BORA: variants seen among roughly 807,000 people sequenced by gnomAD.
The protein encoded by BORA is BORA aurora kinase A activator.
Under a neutral mutation model 55.8 loss-of-function variants are expected in BORA, and 26 were observed. That is an observed-to-expected ratio of 0.47 (90% CI 0.34 to 0.65). BORA has a LOEUF of 0.65. Ranked by LOEUF, BORA falls within the 30% of genes least tolerant of loss-of-function variation. The probability of loss-of-function intolerance (pLI) is 0.01; values close to 1 mark genes in which losing one functional copy is unlikely to be tolerated. For missense variants in BORA, 568 were observed against 671.5 expected (o/e 0.85, Z 1.70); for synonymous variants, 201 against 216.9 (o/e 0.93, Z 0.64).
intron 4 of BORA, among the ~76,000 whole-genome samples, chr13:72,735,466 A>G (rs1278485305): frequency 1.3e-5 from 2 of 152,190 alleles, no homozygotes; most frequent in Non-Finnish European, 2.9e-5. Context: ...TTTTTAAGAT[A>G]TTCATGAAAT....
Position 72,731,291 on chromosome 13 carries a change from A to C in BORA, c.164A>C (p.Lys55Thr). 1 of 1,607,320 alleles carries C rather than the reference A, an allele frequency of 6.2e-7. No homozygotes were observed. The highest frequency in any genetic ancestry group is 8.5e-7 in the Non-Finnish European group (1 of 1,175,866). Residue 55 changes from lysine to threonine, a missense_variant, in exon 3 of 12, where the codon AAA (lysine) becomes ACA (threonine). Lys to Thr is a moderately conservative substitution (Grantham distance 78). Coordinates refer to ENST00000390667, the MANE Select transcript of BORA (RefSeq NM_024808.5). Reference protein sequence around the residue: ...FKSTKLPTPGKFRWSIDQLAV... With the variant: ...FKSTKLPTPGTFRWSIDQLAV... ...CTTTCTTTTGTTAAGACTCCAGGGAAATTTAGATGGTCTATTGATCAACTA... is the reference window on the plus strand; with the variant it reads ...CTTTCTTTTGTTAAGACTCCAGGGACATTTAGATGGTCTATTGATCAACTA...
intron 5 of BORA, among the ~76,000 whole-genome samples, 192 bp from the exon 6 acceptor site, chr13:72,743,345 A>C (rs1055706418): frequency 1.3e-5 from 2 of 152,170 alleles, no homozygotes; most frequent in African/African-American, 4.8e-5. Context: ...GTAATCCTTT[A>C]GTTTTATCCT....
chr13:72,729,819 A>T (rs774942864), intron 2 of BORA, among the ~76,000 whole-genome samples: 2 of 152,254 alleles, frequency 1.3e-5, no homozygotes, highest in Admixed American at 6.5e-5. Flanking sequence ...AAAAGAAACT[A>T]ACCCCTATTT....
intron 8 of BORA, among the ~76,000 whole-genome samples, 196 bp downstream of exon 8, chr13:72,745,403 A>C (rs1046182377): frequency 1.3e-5 from 2 of 152,170 alleles, no homozygotes; most frequent in Non-Finnish European, 2.9e-5. Flanking sequence ...TCATGACTGT[A>C]TTCTCTCCCT....
rs1191690958 is a variant in BORA at position 72,742,763 on chromosome 13, TATATACACACACAC to T, written c.389-772_389-759del. 4.2e-3 allele frequency among the ~76,000 whole-genome samples: 194 copies of T among 45,984 alleles called. 1 individual carries two copies. Among genetic ancestry groups the T allele is most frequent in the African/African-American group, 0.012 (190 of 15,766 alleles). The allele number at this position is 45,984 out of a possible 152,430, so 30.2% of individuals were successfully genotyped here. On this transcript the variant is annotated intron_variant, in intron 5 of 11. Coordinates refer to ENST00000390667, the MANE Select transcript of BORA (RefSeq NM_024808.5). ...GACTTTTTAAAATGTGATATATATA[TATATACACACACAC>T]ACACACACACACACACACACACACA...
chr13:72,743,426 TA>T, intron 5 of BORA, 110 bp from the exon 6 acceptor site: 5 of 625,896 alleles, frequency 8.0e-6, no homozygotes, highest in Non-Finnish European at 1.3e-5. Flanking sequence ...AGATTTTTTT[TA>T]ATGTTGCAAA....
At chr13:72,736,445 T>C (rs1041822862) in intron 4 of BORA, among the ~76,000 whole-genome samples, 1 of 152,284 alleles carries the variant, frequency 6.6e-6, no homozygotes, top group Middle Eastern at 3.4e-3. Flanking sequence ...CCTTAAAATA[T>C]TTTCGACAAA....
rs777377299 is a variant in BORA, at chr13:72,745,207, G to A, written c.738G>A (p.Ser246=). Residue 246 remains serine (S), a splice_region_variant and synonymous_variant, in exon 8 of 12, where the codon TCG becomes TCA. Transcript: ENST00000390667. ...GGAGCCCCTTGCAGACACCAAGTTC[G>A]GTGAGAAGTATACTAAAAAGCAGTT... ...KCRSPLQTPS[S]GQFSSSPIQA... is the part of the protein sequence containing the mutation. 21 of 1,610,756 alleles carry A rather than the reference G, an allele frequency of 1.3e-5. No homozygotes were observed. Among genetic ancestry groups the A allele is most frequent in the Admixed American group, 3.3e-5 (2 of 59,948 alleles).
chr13:72,756,013 G>A lies in BORA; in HGVS notation c.*797G>A. On this transcript the variant is annotated 3_prime_UTR_variant, in exon 12 of 12. Transcript: ENST00000390667. Reference sequence around the variant, plus strand: ...TTCCCGTAGGGCATAGGCCTGTGAAGTAACACTGGGGCAGATATGTATGTT... The same window carrying A: ...TTCCCGTAGGGCATAGGCCTGTGAAATAACACTGGGGCAGATATGTATGTT... 2.5e-6 allele frequency: 1 copy of A among 398,482 alleles called. No homozygotes were observed. 24.7% of individuals were successfully genotyped at this position (398,482 alleles called of 1,614,324 possible). A position where few individuals can be genotyped will look rare whatever the true frequency, so the allele number is the denominator to read the frequency against.
intron 4 of BORA, among the ~76,000 whole-genome samples, chr13:72,735,409 A>G (rs2032901404): frequency 6.6e-6 from 1 of 152,168 alleles, no homozygotes; most frequent in Non-Finnish European, 1.5e-5. Context: ...TTCAGAGTCT[A>G]GATTGGCATT....
At chr13:72,730,907 A>C (rs9573020) in intron 2 of BORA, among the ~76,000 whole-genome samples, 1,139 of 55,106 alleles carry the variant, frequency 0.021, 18 homozygotes, top group African/African-American at 0.029. Context: ...AAAAAAAAAA[A>C]AAATACAAAA....
intron 10 of BORA, chr13:72,753,235 A>C (rs948809584): frequency 2.0e-5 from 3 of 152,614 alleles, no homozygotes; most frequent in Admixed American, 1.3e-4. Flanking sequence ...AAGCTGAACT[A>C]ACATCTAGAG....
Position 72,745,951 on chromosome 13 carries a change from T to C in BORA, c.746T>C (p.Phe249Ser), listed in dbSNP as rs1160233810. Residue 249 changes from phenylalanine to serine, a missense_variant, in exon 9 of 12, where the codon TTT becomes TCT. Transcript: ENST00000390667. ...SPLQTPSSGQ[F>S]SSSPIQASAK... ...TATTTAATTTTATTACAGGGGCAGT[T>C]TTCTTCTAGCCCTATTCAGGCTAGT... 2 of 1,605,114 alleles carry C rather than the reference T, an allele frequency of 1.2e-6. No homozygotes were observed.
Position 72,744,505 on chromosome 13 carries a change from C to T in BORA, c.455C>T (p.Ala152Val), listed in dbSNP as rs964336225. The change falls in exon 7 of 12, where the codon GCT (alanine) becomes GTT (valine). Residue 152 changes from alanine to valine, a missense_variant and splice_region_variant. Physicochemically the swap from Ala to Val is moderately conservative, Grantham distance 64. Coordinates refer to ENST00000390667, the MANE Select transcript of BORA (RefSeq NM_024808.5). ...TGTTTATTTATTTGCTTGTTTCCAG[C>T]TGCTTGTCAGACATTGCTGTCTCTT... The part of the protein sequence containing the change: ...KLTIHSEKSD[A>V]ACQTLLSLPV... 6.2e-7 allele frequency: 1 copy of T among 1,609,860 alleles called. No individual in the cohort carries two copies.
chr13:72,736,183 A>G (rs978720864), intron 4 of BORA, among the ~76,000 whole-genome samples: 2 of 152,086 alleles, frequency 1.3e-5, no homozygotes, highest in African/African-American at 2.4e-5. Context: ...AAAATTTCCA[A>G]CATTTTGAAA....
Position 72,746,863 on chromosome 13 carries a change from A to G in BORA, c.1234A>G (p.Ser412Gly). The change falls in exon 10 of 12, where the codon AGT becomes GGT. Residue 412 changes from serine (S) to glycine (G), a missense_variant. Coordinates refer to ENST00000390667, the MANE Select transcript of BORA (RefSeq NM_024808.5). ...CATGTCTGTTACACAAAATCAGTCCAGTGCTTCTGAGAAAGAATTAGCACT... is the reference window on the plus strand; with the variant it reads ...CATGTCTGTTACACAAAATCAGTCCGGTGCTTCTGAGAAAGAATTAGCACT... The part of the protein sequence containing the change: ...TAMSVTQNQS[S>G]ASEKELALLQ... 6.2e-7 allele frequency: 1 copy of G among 1,614,192 alleles called. No individual in the cohort carries two copies. Among genetic ancestry groups the G allele is most frequent in the South Asian group, 1.1e-5 (1 of 91,082 alleles).
chr13:72,753,302 T>C (rs2138112339), intron 10 of BORA: 1 of 160,384 alleles, frequency 6.2e-6, no homozygotes, highest in East Asian at 1.8e-4. Flanking sequence ...TATAATCCAC[T>C]TTTTTAAAGG....
At chr13:72,738,068 A>G in intron 5 of BORA, 25 bp downstream of exon 5, 3 of 1,530,270 alleles carry the variant, frequency 2.0e-6, no homozygotes, top group Non-Finnish European at 2.7e-6. Context: ...AATGATATGA[A>G]TAAAAATCAA....
chr13:72,732,357 A>G (rs1401052111), intron 3 of BORA, among the ~76,000 whole-genome samples: 1 of 152,180 alleles, frequency 6.6e-6, no homozygotes, highest in African/African-American at 2.4e-5. Flanking sequence ...ATGAAGCATG[A>G]AAGGATTTTA....
Sources: allele counts gnomAD v4.1 joint callset (sites outside exome capture counted in the v4.1 genomes callset), GRCh38; gene constraint gnomAD v4.1.1; transcripts MANE v1.5; gene names NCBI Gene and HGNC (gene_info 2026-07-23, HGNC 2026-07-21).